Variants in SRPX observed in about 807,000 individuals in gnomAD.
The protein encoded by SRPX is sushi repeat-containing protein SRPX.
Under a neutral mutation model 38.1 loss-of-function variants are expected in SRPX, and 24 were observed. That is an observed-to-expected ratio of 0.63 (90% CI 0.46 to 0.89). SRPX has a LOEUF of 0.89. SRPX is among the 40% of genes least tolerant of loss of function. The pLI, the probability that SRPX is intolerant of heterozygous loss-of-function variation, is 0.00. For synonymous variants in SRPX, 184 were observed against 153.8 expected (o/e 1.20, Z -1.45); for missense variants, 416 against 377.8 (o/e 1.10, Z -0.84).
intron 7 of SRPX, among the ~76,000 whole-genome samples, chrX:38,158,334 C>T (rs757028252): frequency 1.8e-5 from 2 of 111,934 alleles, no homozygotes; most frequent in East Asian, 2.8e-4. Flanking sequence ...TGAAGGATGT[C>T]GTATAGATAG....
intron 9 of SRPX, among the ~76,000 whole-genome samples, chrX:38,150,464 T>C (rs1937992046): frequency 9.0e-6 from 1 of 111,710 alleles, no homozygotes; most frequent in Non-Finnish European, 1.9e-5. Flanking sequence ...GTTGTCACAG[T>C]GGAGAGTGAA....
intron 4 of SRPX, among the ~76,000 whole-genome samples, chrX:38,168,603 T>C (rs1341024825): frequency 1.8e-5 from 2 of 112,368 alleles, no homozygotes; most frequent in Admixed American, 1.9e-4. Context: ...GATGCAAATA[T>C]AAAATAGTTT....
rs1938848132 is a variant in SRPX at position 38,189,151 on chromosome X, A to C, written c.98-10807T>G. Among the ~76,000 whole-genome samples the C allele has an allele frequency of 3.6e-5, 4 of 111,750 alleles. No homozygotes were observed. The South Asian group carries it at 1.5e-3, about 42-fold the overall frequency. ...AGTTCCAGTGCCATCCTGATTTGGG[A>C]AGCCACTTTTCTTTCCTGAGCCTCA... On this transcript the variant is annotated intron_variant, in intron 1 of 9. Transcript: ENST00000378533.
intron 5 of SRPX, 75 bp from the exon 6 acceptor site, chrX:38,161,129 T>A (rs1182636260): frequency 8.8e-7 from 1 of 1,129,959 alleles, no homozygotes; most frequent in Non-Finnish European, 1.2e-6. Flanking sequence ...CCCTACTCTT[T>A]ACAGGACATG....
At chrX:38,183,512 G>A (rs775493464) in intron 1 of SRPX, among the ~76,000 whole-genome samples, 6 of 111,941 alleles carry the variant, frequency 5.4e-5, no homozygotes, top group Admixed American at 9.4e-5. Context: ...CAATAAGCTC[G>A]AAGACAGACT....
chrX:38,174,369 A>G lies in SRPX; in HGVS notation c.158-18T>C. On this transcript the variant is annotated intron_variant, in intron 2 of 9. Coordinates refer to ENST00000378533, the MANE Select transcript of SRPX (RefSeq NM_006307.5). ...CGGGGTATCTACAAGTAGCAGAAACAAAAGAGGAGATAAATATGAAATGAC... is the reference window on the plus strand; with the variant it reads ...CGGGGTATCTACAAGTAGCAGAAACGAAAGAGGAGATAAATATGAAATGAC... 1 of 999,573 alleles carries G rather than the reference A, an allele frequency of 1.0e-6. No individual in the cohort carries two copies. Among genetic ancestry groups the G allele is most frequent in the Non-Finnish European group, 1.3e-6 (1 of 778,625 alleles). 82.4% of individuals were successfully genotyped at this position (999,573 alleles called of 1,213,427 possible).
At chrX:38,204,847 T>C (rs936103705) in intron 1 of SRPX, among the ~76,000 whole-genome samples, 8 of 112,459 alleles carry the variant, frequency 7.1e-5, no homozygotes, top group Non-Finnish European at 1.5e-4. Context: ...ATTTCTTACA[T>C]ATCAATAGTA....
intron 1 of SRPX, among the ~76,000 whole-genome samples, chrX:38,192,022 C>G (rs1380539723): frequency 9.0e-6 from 1 of 111,708 alleles, no homozygotes; most frequent in Non-Finnish European, 1.9e-5. Flanking sequence ...CCTCAGGCAG[C>G]AGAACAGGCA....
At chrX:38,162,536 G>A (rs1303443857) in intron 5 of SRPX, among the ~76,000 whole-genome samples, 1 of 112,589 alleles carries the variant, frequency 8.9e-6, no homozygotes, top group East Asian at 2.8e-4. Context: ...CAATCCTGCC[G>A]GGTGCAGTGG....
At chrX:38,169,041 C>T (rs1938417216) in intron 4 of SRPX, among the ~76,000 whole-genome samples, 1 of 111,798 alleles carries the variant, frequency 8.9e-6, no homozygotes, top group African/African-American at 3.3e-5. Flanking sequence ...AAGAAAGAAG[C>T]CCAAATAAAA....
intron 4 of SRPX, 115 bp from the exon 5 acceptor site, chrX:38,165,010 G>C (rs1938338695): frequency 1.5e-6 from 1 of 645,720 alleles, no homozygotes; most frequent in Admixed American, 3.3e-5. Flanking sequence ...TTTTCAAAGA[G>C]TTTGTTCACC....
intron 1 of SRPX, among the ~76,000 whole-genome samples, chrX:38,185,834 CAG>C (rs1372757363): frequency 1.0e-5 from 1 of 98,044 alleles, no homozygotes; most frequent in Non-Finnish European, 2.0e-5. Flanking sequence ...ATTATACTGT[CAG>C]AAAGCAGGCT....
chrX:38,178,238 C>A (rs1310659621), intron 2 of SRPX, 47 bp downstream of exon 2: 2 of 1,080,022 alleles, frequency 1.9e-6, no homozygotes, highest in South Asian at 4.1e-5. Context: ...AAGGAAAGTT[C>A]TCCTGGCACC....
chrX:38,200,521 C>A (rs1326678999), intron 1 of SRPX, among the ~76,000 whole-genome samples: 1 of 111,866 alleles, frequency 8.9e-6, no homozygotes, highest in Admixed American at 9.4e-5. Flanking sequence ...GAGGAGAAGT[C>A]TATTCAGCTC....
At position 38,159,828 on chromosome X, in the gene SRPX, G is replaced by A. The variant is rs200657577; in HGVS notation, c.955+189C>T. Among the ~76,000 whole-genome samples the A allele has an allele frequency of 1.7e-4, 19 of 112,522 alleles. No homozygotes were observed. The East Asian group carries it at 4.2e-3, about 25-fold the overall frequency. ...GACATGAAAAGGAAATTAGAGGATA[G>A]GCAGGGGCAAGATGGATGGCAGATG... On this transcript the variant is annotated intron_variant, in intron 7 of 9. Coordinates refer to ENST00000378533, the MANE Select transcript of SRPX (RefSeq NM_006307.5).
chrX:38,153,576 T>A (rs1938063923), intron 9 of SRPX, among the ~76,000 whole-genome samples: 1 of 111,576 alleles, frequency 9.0e-6, no homozygotes, highest in South Asian at 3.7e-4. Flanking sequence ...ACAGAAAGAC[T>A]GCATTTCCCA....
chrX:38,161,963 T>C (rs1305080087), intron 5 of SRPX, among the ~76,000 whole-genome samples: 1 of 112,197 alleles, frequency 8.9e-6, no homozygotes, highest in South Asian at 3.7e-4. Context: ...TTGTCACCAT[T>C]GAGGAAAGCC....
chrX:38,214,834 C>T (rs1939399628), intron 1 of SRPX, among the ~76,000 whole-genome samples: 1 of 111,824 alleles, frequency 8.9e-6, no homozygotes, highest in Non-Finnish European at 1.9e-5. Context: ...CTAATTTAAC[C>T]GTGTTTGCGA....
intron 1 of SRPX, among the ~76,000 whole-genome samples, chrX:38,213,904 G>A (rs1939381412): frequency 9.0e-6 from 1 of 111,651 alleles, no homozygotes; most frequent in East Asian, 2.8e-4. Context: ...CAAAGGGGAT[G>A]GTGCTAAACC....
Sources: gnomAD v4.1 joint callset for allele counts (sites outside exome capture counted in the v4.1 genomes callset) on GRCh38, gnomAD v4.1.1 for gene constraint, MANE v1.5 for transcripts, NCBI Gene and HGNC (gene_info 2026-07-23, HGNC 2026-07-21) for gene names.